The following CNTNAP2 variants were observed in gnomAD, a reference collection of about 807,000 sequenced individuals.
CNTNAP2 encodes the protein contactin-associated protein-like 2.
Under a neutral mutation model 155.2 loss-of-function variants are expected in CNTNAP2, and 98 were observed. The ratio of observed to expected loss-of-function variants is 0.63; its 90% CI spans 0.54 to 0.75. CNTNAP2 has a LOEUF of 0.75. CNTNAP2 is among the 30% of genes least tolerant of loss of function. The probability of loss-of-function intolerance (pLI) is 0.00; values close to 1 mark genes in which losing one functional copy is unlikely to be tolerated. For missense variants in CNTNAP2, 1,727 were observed against 1,688.1 expected (o/e 1.02, Z -0.40); for synonymous variants, 651 against 631.2 (o/e 1.03, Z -0.47).
intron 15 of CNTNAP2, among the ~76,000 whole-genome samples, chr7:148,094,347 C>A (rs1803917541): frequency 6.6e-6 from 1 of 152,170 alleles, no homozygotes; most frequent in African/African-American, 2.4e-5. Flanking sequence ...ATTTTATCAT[C>A]ATTTTCTTTA....
intron 1 of CNTNAP2, among the ~76,000 whole-genome samples, chr7:146,535,277 ATTATAT>A: frequency 2.0e-5 from 1 of 50,084 alleles, no homozygotes; most frequent in African/African-American, 1.7e-4. Context: ...TATATTATAT[ATTATAT>A]TATATAATGT....
chr7:146,379,820 A>C (rs1795356392), intron 1 of CNTNAP2, among the ~76,000 whole-genome samples: 1 of 152,142 alleles, frequency 6.6e-6, no homozygotes, highest in South Asian at 2.1e-4. Flanking sequence ...TTTTAAATAA[A>C]TTTCAAAAGT....
intron 1 of CNTNAP2, among the ~76,000 whole-genome samples, chr7:146,262,083 C>A (rs1344159864): frequency 1.3e-5 from 2 of 152,144 alleles, no homozygotes; most frequent in Non-Finnish European, 2.9e-5. Context: ...CCACACTGGT[C>A]CTCTCCTGTC....
In CNTNAP2 at chr7:147,317,716, G is replaced by A. The variant is rs550440723; in HGVS notation, c.1498+17426G>A. Among the ~76,000 whole-genome samples, 9 of 151,430 alleles carry A rather than the reference G, an allele frequency of 5.9e-5. No homozygotes were observed. In the South Asian group the frequency reaches 1.9e-3, roughly 31 times the overall value. On this transcript the variant is annotated intron_variant, in intron 9 of 23. Coordinates refer to ENST00000361727, the MANE Select transcript of CNTNAP2 (RefSeq NM_014141.6). The stretch of plus-strand genomic sequence containing the variant: ...GATATATGAATTAGGGAGATTATTT[G>A]TTTAATGTCTGCCTACCTCACTGTC...
At chr7:146,363,577 G>A (rs898512731) in intron 1 of CNTNAP2, among the ~76,000 whole-genome samples, 6 of 152,150 alleles carry the variant, frequency 3.9e-5, no homozygotes, top group Admixed American at 2.0e-4. Context: ...AAGAGGTGGC[G>A]AGGAAGAGGT....
intron 1 of CNTNAP2, among the ~76,000 whole-genome samples, chr7:146,474,315 T>G (rs1796842818): frequency 6.7e-6 from 1 of 149,584 alleles, no homozygotes; most frequent in Non-Finnish European, 1.5e-5. Context: ...TATATTTCAT[T>G]TTCCCCAAAA....
chr7:147,463,591 C>G (rs1472071901), intron 10 of CNTNAP2, among the ~76,000 whole-genome samples: 1 of 152,086 alleles, frequency 6.6e-6, no homozygotes, highest in Non-Finnish European at 1.5e-5. Context: ...AAACTTAACT[C>G]CCTGCCTTCT....
chr7:146,597,340 C>T (rs1231576104), intron 1 of CNTNAP2, among the ~76,000 whole-genome samples: 1 of 151,902 alleles, frequency 6.6e-6, no homozygotes, highest in African/African-American at 2.4e-5. Flanking sequence ...CACGTATCCA[C>T]AGAGAATAAT....
intron 1 of CNTNAP2, among the ~76,000 whole-genome samples, chr7:146,366,230 T>A (rs199530190): frequency 1.3e-5 from 2 of 149,148 alleles, no homozygotes; most frequent in East Asian, 3.9e-4. Flanking sequence ...TAGTGAGAAT[T>A]TAGACCTGAG....
At chr7:148,146,115 C>T (rs1266424278) in intron 16 of CNTNAP2, among the ~76,000 whole-genome samples, 3 of 152,010 alleles carry the variant, frequency 2.0e-5, no homozygotes, top group African/African-American at 7.3e-5. Flanking sequence ...CTTGTGACAT[C>T]GTCTTAAAAT....
At chr7:147,579,911 A>G (rs188412375) in intron 12 of CNTNAP2, among the ~76,000 whole-genome samples, 1 of 152,320 alleles carries the variant, frequency 6.6e-6, no homozygotes, top group Non-Finnish European at 1.5e-5. Flanking sequence ...TTTTCTCCAA[A>G]ACTATTAACT....
In CNTNAP2 at chr7:147,525,776, A is replaced by G. The variant is rs1159006659; in HGVS notation, c.1778-36362A>G. ...TTCAGTAAACATATTTACTAACTGTATTAATATTATGACTCTTTCATATTC... is the reference window on the plus strand; with the variant it reads ...TTCAGTAAACATATTTACTAACTGTGTTAATATTATGACTCTTTCATATTC... On this transcript the variant is annotated intron_variant, in intron 11 of 23. Transcript: ENST00000361727. Among the ~76,000 whole-genome samples the G allele has an allele frequency of 2.0e-5, 3 of 152,344 alleles. No homozygotes were observed. In the South Asian group the frequency reaches 6.2e-4, roughly 32 times the overall value.
At chr7:146,245,343 A>G (rs1206391252) in intron 1 of CNTNAP2, among the ~76,000 whole-genome samples, 1 of 152,128 alleles carries the variant, frequency 6.6e-6, no homozygotes, top group Admixed American at 6.5e-5. Flanking sequence ...GCCAGGGAGC[A>G]GAAAGTATAT....
intron 3 of CNTNAP2, among the ~76,000 whole-genome samples, chr7:147,039,117 A>G (rs1295510395): frequency 6.6e-6 from 1 of 152,340 alleles, no homozygotes; most frequent in African/African-American, 2.4e-5. Flanking sequence ...TTTACATATA[A>G]AAACATATAT....
At chr7:146,646,047 G>A (rs1321945515) in intron 1 of CNTNAP2, among the ~76,000 whole-genome samples, 1 of 152,100 alleles carries the variant, frequency 6.6e-6, no homozygotes, top group Admixed American at 6.6e-5. Flanking sequence ...TAGTGAAAAG[G>A]TTTCCAACAT....
At chr7:147,470,638 G>A (rs1584753404) in intron 10 of CNTNAP2, among the ~76,000 whole-genome samples, 1 of 152,126 alleles carries the variant, frequency 6.6e-6, no homozygotes, top group Non-Finnish European at 1.5e-5. Flanking sequence ...GATGAAGGAT[G>A]TGAGGAGTCC....
At chr7:147,429,068 G>T (rs1797426185) in intron 10 of CNTNAP2, among the ~76,000 whole-genome samples, 1 of 151,690 alleles carries the variant, frequency 6.6e-6, no homozygotes, top group Non-Finnish European at 1.5e-5. Flanking sequence ...TAGAATGTTG[G>T]CCTCCATCTC....
chr7:147,726,332 G>A (rs528393903), intron 13 of CNTNAP2, among the ~76,000 whole-genome samples: 69 of 152,024 alleles, frequency 4.5e-4, no homozygotes, highest in Non-Finnish European at 9.1e-4. Flanking sequence ...CAGGTTGTGG[G>A]GATGATAATG....
chr7:148,108,144 T>C (rs1804263951), intron 15 of CNTNAP2, among the ~76,000 whole-genome samples: 1 of 152,158 alleles, frequency 6.6e-6, no homozygotes, highest in South Asian at 2.1e-4. Flanking sequence ...GGCCTCTACT[T>C]CTCATCACCT....
Sources: gnomAD v4.1 joint callset for allele counts (sites outside exome capture counted in the v4.1 genomes callset) on GRCh38, gnomAD v4.1.1 for gene constraint, MANE v1.5 for transcripts, NCBI Gene and HGNC (gene_info 2026-07-23, HGNC 2026-07-21) for gene names.